SLCO2B1: variants seen among roughly 807,000 people sequenced by gnomAD.
SLCO2B1 encodes solute carrier organic anion transporter family member 2B1, also known as OATP-RP2.
In SLCO2B1, 41 loss-of-function variants were observed where a neutral mutation model predicts 67.3. That is an observed-to-expected ratio of 0.61 (90% CI 0.47 to 0.79). SLCO2B1 has a LOEUF of 0.79. Ranked by LOEUF, SLCO2B1 falls within the 30% of genes least tolerant of loss-of-function variation. The pLI is 0.00. For missense variants in SLCO2B1, 837 were observed against 920.1 expected (o/e 0.91, Z 1.17); for synonymous variants, 379 against 381.4 (o/e 0.99, Z 0.07).
chr11:75,202,395 T>G, intron 11 of SLCO2B1: 1 of 163,654 alleles, frequency 6.1e-6, no homozygotes, highest in Non-Finnish European at 1.4e-5. Flanking sequence ...TCAGTCTCCT[T>G]ATCTGTAAAA....
At chr11:75,201,229 G>A (rs1025289382) in intron 11 of SLCO2B1, 1 of 151,880 alleles carries the variant, frequency 6.6e-6, no homozygotes, top group Non-Finnish European at 1.5e-5. Flanking sequence ...TCACCATGTT[G>A]GCCAGGACGG....
chr11:75,156,185 A>C (rs1949744298), intron 1 of SLCO2B1, among the ~76,000 whole-genome samples: 1 of 152,212 alleles, frequency 6.6e-6, no homozygotes, highest in South Asian at 2.1e-4. Context: ...TGACAAAACA[A>C]ATATTTGAAT....
rs1167567502 is a variant in SLCO2B1, at chr11:75,164,104, C to G, written c.285+4C>G. 5 of 1,605,990 alleles carry G rather than the reference C, an allele frequency of 3.1e-6. No individual in the cohort carries two copies. The South Asian group carries it at 3.4e-5, about 11-fold the overall frequency. On this transcript the variant is annotated splice_donor_region_variant and intron_variant, in intron 3 of 13. Coordinates refer to ENST00000289575, the MANE Select transcript of SLCO2B1 (RefSeq NM_007256.5). ...GCTGCTGGCCTCCTTCAACGAGGTA[C>G]AGGCCCCACCCAGCCACAGGGGTGG...
chr11:75,184,534 G>GC (rs1464941621), intron 7 of SLCO2B1, among the ~76,000 whole-genome samples: 2 of 152,056 alleles, frequency 1.3e-5, no homozygotes, highest in African/African-American at 2.4e-5. Flanking sequence ...CACCAGGGAG[G>GC]CCCCCCCAGC....
chr11:75,205,809 G>A lies in SLCO2B1; in HGVS notation c.*1229G>A, dbSNP rs904768995. The A allele has an allele frequency of 6.6e-6, 1 of 152,212 alleles. No homozygotes were observed. Among genetic ancestry groups the A allele is most frequent in the Non-Finnish European group, 1.5e-5 (1 of 68,046 alleles). The allele number at this position is 152,212 out of a possible 1,614,324, so 9.4% of individuals were successfully genotyped here. ...TCTGGCCTGGTTATTTCCTTGCGGG[G>A]AGGAGAGGGTTTGCTAATCTGCTCC... is the stretch of plus-strand genomic sequence containing the variant. On this transcript the variant is annotated 3_prime_UTR_variant, in exon 14 of 14. Coordinates refer to ENST00000289575, the MANE Select transcript of SLCO2B1 (RefSeq NM_007256.5).
chr11:75,200,302 C>G lies in SLCO2B1; in HGVS notation c.1678C>G (p.Leu560Val), dbSNP rs1490417189. The G allele has an allele frequency of 6.2e-7, 1 of 1,613,886 alleles. No homozygotes were observed. Among genetic ancestry groups the G allele is most frequent in the Non-Finnish European group, 8.5e-7 (1 of 1,179,970 alleles). ...AGSCDSTCSH[L>V]VVPFLLLVSL... The stretch of plus-strand genomic sequence containing the variant: ...ATCCTGCGACTCAACGTGCAGCCAT[C>G]TGGTGGTGCCCTTCCTGCTCCTGGT... Residue 560 changes from leucine to valine, a missense_variant, in exon 11 of 14, where the codon CTG becomes GTG. Coordinates refer to ENST00000289575, the MANE Select transcript of SLCO2B1 (RefSeq NM_007256.5).
At chr11:75,180,649 G>A (rs973239373) in intron 7 of SLCO2B1, among the ~76,000 whole-genome samples, 1 of 152,170 alleles carries the variant, frequency 6.6e-6, no homozygotes, top group Non-Finnish European at 1.5e-5. Context: ...GTCTATAAAA[G>A]GTTTGAGACA....
chr11:75,175,357 G>A (rs1950010981), intron 7 of SLCO2B1, among the ~76,000 whole-genome samples: 1 of 152,084 alleles, frequency 6.6e-6, no homozygotes, highest in Non-Finnish European at 1.5e-5. Context: ...GGCCCAATGA[G>A]GCTGAATTGG....
chr11:75,181,937 G>C (rs1381689157), intron 7 of SLCO2B1, among the ~76,000 whole-genome samples: 4 of 152,216 alleles, frequency 2.6e-5, no homozygotes, highest in Non-Finnish European at 1.5e-5. Context: ...GGAGAACACA[G>C]GGTCAGGAGC....
At chr11:75,180,016 A>T (rs1950075319) in intron 7 of SLCO2B1, among the ~76,000 whole-genome samples, 1 of 130,868 alleles carries the variant, frequency 7.6e-6, no homozygotes, top group African/African-American at 2.9e-5. Context: ...AGTTATTTTT[A>T]TTTATTATTT....
chr11:75,162,134 A>G (rs57073688), intron 1 of SLCO2B1, among the ~76,000 whole-genome samples: 40,423 of 151,556 alleles, frequency 0.27, 6,183 homozygotes, highest in Admixed American at 0.39. Flanking sequence ...GTTGAAATCT[A>G]CTCCAATACA....
Position 75,172,311 on chromosome 11 carries a change from C to T in SLCO2B1, c.782-68C>T, listed in dbSNP as rs1949969845. On this transcript the variant is annotated intron_variant, in intron 6 of 13. Coordinates refer to ENST00000289575, the MANE Select transcript of SLCO2B1 (RefSeq NM_007256.5). ...CACCTCATGTCTCAGAGGCCAGTCC[C>T]AGGATGGCGGCTTAGAAGTGACAGC... 5.5e-6 allele frequency: 8 copies of T among 1,456,432 alleles called. No homozygotes were observed. The East Asian group carries it at 1.9e-4, about 34-fold the overall frequency. The allele number at this position is 1,456,432 out of a possible 1,614,324, so 90.2% of individuals were successfully genotyped here. A position where few individuals can be genotyped will look rare whatever the true frequency, so the allele number is the denominator to read the frequency against.
At position 75,193,689 on chromosome 11, in the gene SLCO2B1, C is replaced by T; in HGVS notation, c.1433+114C>T. On this transcript the variant is annotated intron_variant, in intron 9 of 13. Transcript: ENST00000289575. This position sits in a 1 kb window ranked among gnomAD's most constrained non-coding sequence, Gnocchi z 4.2. ...CAACCCCTGCCTCAAATCTTGCCTC[C>T]CCAGTTCTGCTTAACAGCCCTTTAG... is the stretch of plus-strand genomic sequence containing the variant. 2 of 920,554 alleles carry T rather than the reference C, an allele frequency of 2.2e-6. No individual in the cohort carries two copies. The highest frequency in any genetic ancestry group is 3.2e-6 in the Non-Finnish European group (2 of 624,866). The allele number at this position is 920,554 out of a possible 1,614,324, so 57.0% of individuals were successfully genotyped here.
intron 1 of SLCO2B1, among the ~76,000 whole-genome samples, chr11:75,156,614 G>A (rs1361430809): frequency 6.6e-6 from 1 of 152,166 alleles, no homozygotes; most frequent in Non-Finnish European, 1.5e-5. Context: ...CAGACCCCAA[G>A]AGAGGGCTCT....
At chr11:75,190,456 C>A (rs1945000862) in intron 8 of SLCO2B1, among the ~76,000 whole-genome samples, 1 of 152,206 alleles carries the variant, frequency 6.6e-6, no homozygotes, top group African/African-American at 2.4e-5. Flanking sequence ...AAGATAATCC[C>A]TGAGCTAGGA....
chr11:75,178,594 C>G (rs1041786682), intron 7 of SLCO2B1, among the ~76,000 whole-genome samples: 1 of 152,070 alleles, frequency 6.6e-6, no homozygotes, highest in Non-Finnish European at 1.5e-5. Flanking sequence ...ATAAATCAAG[C>G]TGTTTAGCAC....
chr11:75,204,383 C>T lies in SLCO2B1; in HGVS notation c.1950-17C>T. 1.3e-6 allele frequency: 2 copies of T among 1,589,284 alleles called. No individual in the cohort carries two copies. The highest frequency in any genetic ancestry group is 2.3e-5 in the East Asian group (1 of 44,378). On this transcript the variant is annotated splice_polypyrimidine_tract_variant and intron_variant, in intron 13 of 13. Coordinates refer to ENST00000289575, the MANE Select transcript of SLCO2B1 (RefSeq NM_007256.5). ...CCTGGCAGCTCTTGAGTTCAAGGGTCCCCATTCTTTCCCCAGGTTCATCGG... is the reference window on the plus strand; with the variant it reads ...CCTGGCAGCTCTTGAGTTCAAGGGTTCCCATTCTTTCCCCAGGTTCATCGG...
intron 7 of SLCO2B1, among the ~76,000 whole-genome samples, chr11:75,184,604 A>G (rs759266218): frequency 3.1e-4 from 47 of 152,062 alleles, no homozygotes; most frequent in Non-Finnish European, 2.9e-5. Flanking sequence ...ATCCTGGCCC[A>G]TATGGTTCCC....
At position 75,169,402 on chromosome 11, in the gene SLCO2B1, C is replaced by T. The variant is rs1949933445; in HGVS notation, c.678C>T (p.Tyr226=). Residue 226 remains tyrosine, a synonymous_variant, in exon 5 of 14, where the codon TAC becomes TAT. Coordinates refer to ENST00000289575, the MANE Select transcript of SLCO2B1 (RefSeq NM_007256.5). ...CCCACAACAGCAACTCGCCCCTCTA[C>T]CTCGGTGAGGACCAGTGCCATCCCT... ...DFAHNSNSPL[Y]LGILFAVTMM... is the part of the protein sequence containing the mutation. The T allele has an allele frequency of 2.5e-6, 4 of 1,590,612 alleles. No individual in the cohort carries two copies. The Middle Eastern group carries it at 5.0e-4, about 200-fold the overall frequency.
Sources: allele counts gnomAD v4.1 joint callset (sites outside exome capture counted in the v4.1 genomes callset), GRCh38; gene constraint gnomAD v4.1.1; non-coding constraint Gnocchi (gnomAD v3.1); transcripts MANE v1.5; gene names NCBI Gene and HGNC (gene_info 2026-07-23, HGNC 2026-07-21).